Variants in NAV3 observed in about 807,000 individuals in gnomAD.
NAV3 encodes pore membrane and/or filament interacting like protein 1.
In NAV3, 87 loss-of-function variants were observed where a neutral mutation model predicts 244.7. The ratio of observed to expected loss-of-function variants is 0.36; its 90% CI spans 0.30 to 0.42. NAV3 has a LOEUF of 0.42. Among genes scored for constraint, NAV3 ranks in the 20% least tolerant of loss-of-function variants. NAV3 has a pLI of 1.00. For missense variants in NAV3, 2,663 were observed against 2,893.3 expected, an observed-to-expected ratio of 0.92 and a Z score of 1.83; for synonymous variants, 1,126 against 1,042.2, an observed-to-expected ratio of 1.08 and a Z score of -1.55.
At chr12:77,593,430 G>A (rs1870007906) in intron 2 of NAV3, among the ~76,000 whole-genome samples, 1 of 150,844 alleles carries the variant, frequency 6.6e-6, no homozygotes, top group Non-Finnish European at 1.5e-5. Flanking sequence ...GTTCTCCCTT[G>A]TGTTTTTTTA....
At chr12:77,857,785 A>T (rs1416704127) in intron 1 of NAV3, among the ~76,000 whole-genome samples, 1 of 152,004 alleles carries the variant, frequency 6.6e-6, no homozygotes. Context: ...GATAGTAAAA[A>T]TATGCATTAT....
At chr12:78,193,727 GT>G (rs1959080745) in intron 34 of NAV3, among the ~76,000 whole-genome samples, 1 of 152,112 alleles carries the variant, frequency 6.6e-6, no homozygotes, top group Admixed American at 6.6e-5. Context: ...GTTTATTTAT[GT>G]TTGCCTGTTT....
At chr12:77,797,588 A>G (rs1019834656) in intron 2 of NAV3, among the ~76,000 whole-genome samples, 2 of 136,658 alleles carry the variant, frequency 1.5e-5, no homozygotes, top group African/African-American at 2.8e-5. Flanking sequence ...CAGGCCTGTA[A>G]TCCCAGCACT....
chr12:78,001,357 CT>C (rs1445966762), intron 7 of NAV3, among the ~76,000 whole-genome samples: 1 of 152,116 alleles, frequency 6.6e-6, no homozygotes, highest in Non-Finnish European at 1.5e-5. Flanking sequence ...TCCTCGAATG[CT>C]TTTAAGTGGA....
At chr12:78,096,968 G>C (rs1566126295) in intron 12 of NAV3, among the ~76,000 whole-genome samples, 2 of 152,168 alleles carry the variant, frequency 1.3e-5, no homozygotes, top group African/African-American at 2.4e-5. Context: ...CCCACCTGAG[G>C]TGAGAGATGG....
intron 2 of NAV3, among the ~76,000 whole-genome samples, chr12:77,751,437 T>C (rs2135800861): frequency 6.6e-6 from 1 of 152,274 alleles, no homozygotes. Context: ...TGGTGGGAGG[T>C]AATTGAATAA....
At chr12:77,629,967 G>A (rs1353511623) in intron 2 of NAV3, among the ~76,000 whole-genome samples, 1 of 152,096 alleles carries the variant, frequency 6.6e-6, no homozygotes, top group Non-Finnish European at 1.5e-5. Flanking sequence ...GCATAACCAG[G>A]GTCTTTTCAG....
At chr12:78,202,293 A>G (rs1594035122) in intron 38 of NAV3, among the ~76,000 whole-genome samples, 1 of 152,006 alleles carries the variant, frequency 6.6e-6, no homozygotes, top group African/African-American at 2.4e-5. Flanking sequence ...TCGATACATT[A>G]TTTGTTCTCT....
In NAV3 at chr12:78,205,066, A is replaced by G. The variant is rs1323048998; in HGVS notation, c.6966A>G (p.Glu2322=). Reference sequence around the variant, plus strand: ...TGCGACCAGAAGATGTTGGGTATGAAAGCTGCACATCCACTAAGGAAGCCA... The same window carrying G: ...TGCGACCAGAAGATGTTGGGTATGAGAGCTGCACATCCACTAAGGAAGCCA... The part of the protein sequence containing the change: ...LQLRPEDVGY[E]SCTSTKEATT... Residue 2322 remains glutamate, a synonymous_variant, in exon 39 of 40, where the codon GAA becomes GAG. Coordinates refer to ENST00000397909, the MANE Select transcript of NAV3 (RefSeq NM_001024383.2). 9.3e-6 allele frequency: 15 copies of G among 1,613,406 alleles called. No individual in the cohort carries two copies. The East Asian group carries it at 3.3e-4, about 36-fold the overall frequency.
chr12:77,650,097 T>C (rs958574737), intron 2 of NAV3, among the ~76,000 whole-genome samples: 4 of 152,202 alleles, frequency 2.6e-5, no homozygotes, highest in Non-Finnish European at 4.4e-5. Context: ...CTGTTTTAGA[T>C]TAGTATTTCC....
intron 2 of NAV3, among the ~76,000 whole-genome samples, chr12:77,609,133 C>CT (rs1870798996): frequency 6.6e-6 from 1 of 151,986 alleles, no homozygotes; most frequent in Non-Finnish European, 1.5e-5. Flanking sequence ...TCTGGTAATC[C>CT]TTTGAGTTTC....
At chr12:78,087,718 A>G (rs1159895875) in intron 12 of NAV3, among the ~76,000 whole-genome samples, 2 of 151,976 alleles carry the variant, frequency 1.3e-5, no homozygotes, top group African/African-American at 4.8e-5. Flanking sequence ...AATTTTTTCT[A>G]TACATATTCC....
intron 3 of NAV3, among the ~76,000 whole-genome samples, chr12:77,951,396 C>T (rs548304711): frequency 7.2e-5 from 11 of 152,138 alleles, no homozygotes; most frequent in East Asian, 5.8e-4. Flanking sequence ...GTTAGAATGG[C>T]GATCATTAAA....
At chr12:78,017,774 A>G (rs1876474567) in intron 8 of NAV3, among the ~76,000 whole-genome samples, 1 of 152,188 alleles carries the variant, frequency 6.6e-6, no homozygotes, top group South Asian at 2.1e-4. Flanking sequence ...TTTTTATTTA[A>G]CTGGTACAAA....
chr12:77,710,078 G>A (rs1167677733), intron 2 of NAV3, among the ~76,000 whole-genome samples: 2 of 152,062 alleles, frequency 1.3e-5, no homozygotes, highest in Non-Finnish European at 1.5e-5. Context: ...TCCACATTTT[G>A]AAAGCCAGTA....
intron 2 of NAV3, among the ~76,000 whole-genome samples, chr12:77,682,490 C>A (rs1207917523): frequency 1.3e-5 from 2 of 152,096 alleles, no homozygotes; most frequent in Non-Finnish European, 1.5e-5. Context: ...CTTCCACATA[C>A]TGATTTCATT....
At chr12:77,670,320 A>G (rs1873910993) in intron 2 of NAV3, among the ~76,000 whole-genome samples, 1 of 152,140 alleles carries the variant, frequency 6.6e-6, no homozygotes, top group African/African-American at 2.4e-5. Context: ...ACCAACCAAA[A>G]AAGCCCAGAA....
chr12:77,922,758 G>A (rs1013773810), intron 1 of NAV3, among the ~76,000 whole-genome samples: 1 of 151,922 alleles, frequency 6.6e-6, no homozygotes, highest in African/African-American at 2.4e-5. Context: ...TTTTCTAGAA[G>A]ACCAAAAAAT....
At chr12:77,765,548 A>T (rs1398171831) in intron 2 of NAV3, among the ~76,000 whole-genome samples, 1 of 152,218 alleles carries the variant, frequency 6.6e-6, no homozygotes, top group East Asian at 1.9e-4. Context: ...TAAGCTATTT[A>T]TCAGGAAGCC....
Sources: gnomAD v4.1 joint callset for allele counts (sites outside exome capture counted in the v4.1 genomes callset) on GRCh38, gnomAD v4.1.1 for gene constraint, MANE v1.5 for transcripts, NCBI Gene and HGNC (gene_info 2026-07-23, HGNC 2026-07-21) for gene names.